The following LRGUK variants were observed in gnomAD, a reference collection of about 807,000 sequenced individuals.
LRGUK encodes the protein leucine rich repeats and guanylate kinase domain containing.
LRGUK carries 65 observed loss-of-function variants against 76.0 expected under a neutral mutation model. That is an observed-to-expected ratio of 0.85 (90% CI 0.70 to 1.05). The LOEUF (loss-of-function observed/expected upper bound fraction) is 1.05. Among genes scored for constraint, LRGUK ranks in the 50% least tolerant of loss-of-function variants. The pLI, the probability that LRGUK is intolerant of heterozygous loss-of-function variation, is 0.00. For missense variants in LRGUK, 758 were observed against 732.8 expected (o/e 1.03, Z -0.40); for synonymous variants, 268 against 265.6 (o/e 1.01, Z -0.09).
At chr7:134,259,623 C>T (rs1208192447) in intron 19 of LRGUK, among the ~76,000 whole-genome samples, 1 of 152,176 alleles carries the variant, frequency 6.6e-6, no homozygotes, top group African/African-American at 2.4e-5. Flanking sequence ...GACTCCCCTT[C>T]ACTGCAGTGG....
intron 6 of LRGUK, among the ~76,000 whole-genome samples, chr7:134,159,147 G>T (rs1318154097): frequency 2.6e-5 from 4 of 151,890 alleles, no homozygotes; most frequent in Non-Finnish European, 5.9e-5. Context: ...AGACCAGCCT[G>T]GGCAAATAGC....
chr7:134,237,050 C>CTTTTTTTTTTTTTTTTT (rs10555261), intron 16 of LRGUK, among the ~76,000 whole-genome samples: 2 of 75,176 alleles, frequency 2.7e-5, no homozygotes, highest in Non-Finnish European at 2.8e-5. Flanking sequence ...TTTTCTCTTT[C>CTTTTTTTTTTTTTTTTT]TTTTTTTTTT....
chr7:134,221,159 G>A (rs1801584769), intron 15 of LRGUK, among the ~76,000 whole-genome samples: 1 of 152,124 alleles, frequency 6.6e-6, no homozygotes. Flanking sequence ...GAAGGTACAT[G>A]TGGATATCAT....
intron 5 of LRGUK, among the ~76,000 whole-genome samples, chr7:134,157,726 T>C (rs1798543664): frequency 6.6e-6 from 1 of 152,218 alleles, no homozygotes; most frequent in Non-Finnish European, 1.5e-5. Context: ...GGTTTCACCG[T>C]GTTAGCCAGG....
chr7:134,206,430 G>A (rs568357356), intron 15 of LRGUK, among the ~76,000 whole-genome samples: 9 of 152,112 alleles, frequency 5.9e-5, no homozygotes, highest in Admixed American at 1.3e-4. Context: ...CAGGAGAATC[G>A]CTTGAACCAG....
At chr7:134,231,504 G>A (rs1046649997) in intron 16 of LRGUK, among the ~76,000 whole-genome samples, 4 of 98,230 alleles carry the variant, frequency 4.1e-5, no homozygotes, top group Non-Finnish European at 8.0e-5. Context: ...TCCTTCCTTC[G>A]TTCCTTCCTT....
chr7:134,159,277 C>T (rs1283862451), intron 6 of LRGUK, among the ~76,000 whole-genome samples: 1 of 147,328 alleles, frequency 6.8e-6, no homozygotes, highest in African/African-American at 2.5e-5. Context: ...GTCAAGGCTG[C>T]AGTGAGTCAC....
exon 13 of LRGUK, chr7:134,197,093 T>C (rs1375141504): frequency 6.3e-7 from 1 of 1,596,704 alleles, no homozygotes; most frequent in East Asian, 2.2e-5. Flanking sequence ...GCTGTATTCA[T>C]ATGGAAATAG....
chr7:134,161,198 T>C (rs1340679418), intron 6 of LRGUK, among the ~76,000 whole-genome samples: 1 of 152,098 alleles, frequency 6.6e-6, no homozygotes, highest in Non-Finnish European at 1.5e-5. Context: ...CATTTCAGAG[T>C]TCTTTAGAAA....
chr7:134,146,951 C>CT (rs55665947), intron 4 of LRGUK, among the ~76,000 whole-genome samples: 1 of 151,864 alleles, frequency 6.6e-6, no homozygotes. Flanking sequence ...CTTAAAAAAA[C>CT]TTTTTTTGTT....
At chr7:134,199,421 G>A in exon 14 of LRGUK, 1 of 1,607,272 alleles carries the variant, frequency 6.2e-7, no homozygotes, top group Non-Finnish European at 8.5e-7. Context: ...AATCAATGCA[G>A]GTTGGTAATT....
intron 18 of LRGUK, among the ~76,000 whole-genome samples, chr7:134,255,152 G>A (rs1362977791): frequency 6.6e-6 from 1 of 151,782 alleles, no homozygotes; most frequent in African/African-American, 2.4e-5. Flanking sequence ...GAGTTACAAA[G>A]CTAGTGGATC....
At chr7:134,147,305 C>T (rs1469672653) in intron 4 of LRGUK, among the ~76,000 whole-genome samples, 1 of 151,760 alleles carries the variant, frequency 6.6e-6, no homozygotes, top group South Asian at 2.1e-4. Flanking sequence ...TGTGGTGGCA[C>T]ACGTCTATAG....
At chr7:134,260,220 T>G (rs1323159320) in intron 19 of LRGUK, among the ~76,000 whole-genome samples, 3 of 151,914 alleles carry the variant, frequency 2.0e-5, no homozygotes, top group Non-Finnish European at 4.4e-5. Context: ...ATATGCATAT[T>G]ATAATATAAT....
At chr7:134,137,815 A>G (rs1327293738) in intron 2 of LRGUK, among the ~76,000 whole-genome samples, 2 of 152,044 alleles carry the variant, frequency 1.3e-5, no homozygotes, top group Non-Finnish European at 2.9e-5. Context: ...AGCATTAAAT[A>G]TTCATTGGAG....
At chr7:134,273,556 G>T in the LRGUK span, among the ~76,000 whole-genome samples, 1 of 151,692 alleles carries the variant, frequency 6.6e-6, no homozygotes, top group African/African-American at 2.4e-5. Flanking sequence ...GTGCAAATAG[G>T]TTTGAGAACC....
the LRGUK span, among the ~76,000 whole-genome samples, chr7:134,274,345 A>G: frequency 6.6e-6 from 1 of 152,216 alleles, no homozygotes; most frequent in Non-Finnish European, 1.5e-5. Flanking sequence ...CAATAAAGAA[A>G]TAAAAGTATG....
At chr7:134,174,658 G>C in intron 8 of LRGUK, 22 bp downstream of exon 8, 1 of 1,372,622 alleles carries the variant, frequency 7.3e-7, no homozygotes, top group Admixed American at 1.7e-5. Flanking sequence ...TTTATATCAG[G>C]GAGGGAGACA....
intron 7 of LRGUK, among the ~76,000 whole-genome samples, chr7:134,167,144 C>G (rs1799025375): frequency 6.6e-6 from 1 of 152,154 alleles, no homozygotes; most frequent in Non-Finnish European, 1.5e-5. Context: ...GGGATGCAAA[C>G]AGGAGGGAGG....
Sources: allele counts gnomAD v4.1 joint callset (sites outside exome capture counted in the v4.1 genomes callset), GRCh38; gene constraint gnomAD v4.1.1; transcripts MANE v1.5; gene names NCBI Gene and HGNC (gene_info 2026-07-23, HGNC 2026-07-21).